The following HOXA3 variants were observed in gnomAD, a reference collection of about 807,000 sequenced individuals.
HOXA3 encodes the protein homeobox A3.
A neutral mutation model predicts 30.3 loss-of-function variants in HOXA3; 8 were observed. The observed-to-expected ratio is 0.26, with a 90% CI of 0.15 to 0.48. HOXA3 has a LOEUF of 0.48. Among genes scored for constraint, HOXA3 ranks in the 20% least tolerant of loss-of-function variants. The pLI is 0.99. For missense variants in HOXA3, 653 were observed against 614.4 expected (o/e 1.06, Z -0.66); for synonymous variants, 323 against 273.1 (o/e 1.18, Z -1.80).
intron 4 of HOXA3, among the ~76,000 whole-genome samples, chr7:27,112,155 A>G (rs560277942): frequency 6.6e-6 from 1 of 152,312 alleles, no homozygotes; most frequent in South Asian, 2.1e-4. Context: ...CAGCACAGAA[A>G]AGTTCCATGT....
At chr7:27,139,113 G>A (rs1478632598) in intron 2 of HOXA3, among the ~76,000 whole-genome samples, 1 of 152,170 alleles carries the variant, frequency 6.6e-6, no homozygotes, top group African/African-American at 2.4e-5. Context: ...GAGAGGAACA[G>A]GAAAGAAGAG....
intron 1 of HOXA3, chr7:27,150,144 C>CATTTT (rs1782919656): frequency 8.5e-4 from 1 of 1,170 alleles, no homozygotes; most frequent in Admixed American, 5.7e-3. Context: ...CATATCATTT[C>CATTTT]TCCAACCAGA....
rs898700091 is a variant in HOXA3 at position 27,113,247 on chromosome 7, G to A, written c.-120-2487C>T. 6.6e-6 allele frequency among the ~76,000 whole-genome samples: 1 copy of A among 152,212 alleles called. No individual in the cohort carries two copies. Among genetic ancestry groups the A allele is most frequent in the Non-Finnish European group, 1.5e-5 (1 of 68,046 alleles). On this transcript the variant is annotated intron_variant, in intron 4 of 5. Transcript: ENST00000612286. This position sits in a 1 kb window ranked among gnomAD's most constrained non-coding sequence, Gnocchi z 4.8. ...TTGAGTGCAAGAAGCAAGCCCTATT[G>A]TCTCTCTGGAAGATGTGCCCAAATT...
At chr7:27,130,399 C>T in intron 2 of HOXA3, 1 of 1,162,030 alleles carries the variant, frequency 8.6e-7, no homozygotes, top group Non-Finnish European at 1.1e-6. Context: ...CTGGGGCGGC[C>T]GCCCGGGGCT....
intron 2 of HOXA3, among the ~76,000 whole-genome samples, chr7:27,131,711 AC>A (rs1200111487): frequency 6.6e-6 from 1 of 152,206 alleles, no homozygotes; most frequent in African/African-American, 2.4e-5. Context: ...GAAAACAATA[AC>A]TTCCTATTTC....
At chr7:27,137,436 G>A (rs1234629695) in intron 2 of HOXA3, among the ~76,000 whole-genome samples, 2 of 152,140 alleles carry the variant, frequency 1.3e-5, no homozygotes, top group East Asian at 1.9e-4. Context: ...GCACAGACAC[G>A]CACTTCTGCC....
At chr7:27,121,565 C>T (rs1451645769) in intron 4 of HOXA3, among the ~76,000 whole-genome samples, 1 of 152,084 alleles carries the variant, frequency 6.6e-6, no homozygotes. Flanking sequence ...TAATTGTATC[C>T]AGAACACCAT....
rs1455511596 is a variant in HOXA3, at chr7:27,107,718, G to T, written c.*197C>A. On this transcript the variant is annotated 3_prime_UTR_variant, in exon 6 of 6. Transcript: ENST00000612286. Reference sequence around the variant, plus strand: ...ATGATACAGCCATTCCAGCAACCAAGATTGCTACGTCACATAAACTATAAA... The same window carrying T: ...ATGATACAGCCATTCCAGCAACCAATATTGCTACGTCACATAAACTATAAA... 2.2e-6 allele frequency: 1 copy of T among 462,192 alleles called. No homozygotes were observed. The highest frequency in any genetic ancestry group is 2.0e-5 in the African/African-American group (1 of 49,802). The allele number at this position is 462,192 out of a possible 1,614,324, so 28.6% of individuals were successfully genotyped here.
intron 4 of HOXA3, among the ~76,000 whole-genome samples, chr7:27,114,819 A>ATATATAATATATATTATATATAT (rs1784590057): frequency 4.6e-5 from 2 of 43,686 alleles, no homozygotes; most frequent in East Asian, 7.2e-4. Context: ...AAACATACAT[A>ATATATAATATATATTATATATAT]TATATATAAT....
Position 27,107,604 on chromosome 7 carries a change from C to A in HOXA3, c.*311G>T. ...TGAAAACTCGACTAGAAAATTTGTT[C>A]ATATACCCTGTTTCTGATCAAAGAG... On this transcript the variant is annotated 3_prime_UTR_variant, in exon 6 of 6. Transcript: ENST00000612286. 1 of 303,604 alleles carries A rather than the reference C, an allele frequency of 3.3e-6. No homozygotes were observed. The allele number at this position is 303,604 out of a possible 1,614,324, so 18.8% of individuals were successfully genotyped here.
intron 1 of HOXA3, chr7:27,147,325 C>A (rs139581191): frequency 6.2e-7 from 1 of 1,613,800 alleles, no homozygotes; most frequent in Non-Finnish European, 8.5e-7. Context: ...GGAGTTCATC[C>A]GCTGCATCCA....
At chr7:27,116,310 T>C (rs1784720437) in intron 4 of HOXA3, 1 of 152,728 alleles carries the variant, frequency 6.5e-6, no homozygotes, top group Non-Finnish European at 1.5e-5. Context: ...AGAGGGCCTC[T>C]GGCGGTTCCA....
Position 27,147,457 on chromosome 7 carries a change from C to T in HOXA3, c.-494+4831G>A, listed in dbSNP as rs779257098. 20 of 1,614,096 alleles carry T rather than the reference C, an allele frequency of 1.2e-5. No individual in the cohort carries two copies. Among genetic ancestry groups the T allele is most frequent in the African/African-American group, 4.0e-5 (3 of 74,924 alleles). On this transcript the variant is annotated intron_variant, in intron 1 of 5. Transcript: ENST00000612286. ...AGAAAAGTGCAGGTAGTCCCCGGGGCCCCTCTGCTTGCCACTGCCCGAGGG... is the reference window on the plus strand; with the variant it reads ...AGAAAAGTGCAGGTAGTCCCCGGGGTCCCTCTGCTTGCCACTGCCCGAGGG...
rs1047290 is a variant in HOXA3 at position 27,141,797 on chromosome 7, T to A, written c.-493-1611A>T. 8.8e-4 allele frequency: 1,416 copies of A among 1,603,320 alleles called. 12 individuals carry two copies. In the African/African-American group the frequency reaches 0.017, roughly 20 times the overall value. ...ACCTTAGTACTGACACTACGCGGGA[T>A]CCGCTAATACTGCTCAGTACTTTAA... On this transcript the variant is annotated intron_variant, in intron 1 of 5. Transcript: ENST00000612286.
chr7:27,110,608 C>T lies in HOXA3; in HGVS notation c.33G>A (p.Ala11=). MQKATYYDSS[A]IYGGYPYQAA... ...CCTGGTAGGGGTAGCCACCGTAGAT[C>T]GCCGAGCTGTCGTAGTAGGTCGCTT... is the stretch of plus-strand genomic sequence containing the variant. Residue 11 remains alanine, a synonymous_variant, in exon 5 of 6, where the codon GCG becomes GCA. Transcript: ENST00000612286. 1 of 1,607,150 alleles carries T rather than the reference C, an allele frequency of 6.2e-7. No individual in the cohort carries two copies. The highest frequency in any genetic ancestry group is 8.5e-7 in the Non-Finnish European group (1 of 1,175,058).
rs1414143637 is a variant in HOXA3 at position 27,110,287 on chromosome 7, C to T, written c.354G>A (p.Ala118=). The change falls in exon 5 of 6, where the codon GCG becomes GCA. Residue 118 remains alanine, a synonymous_variant. Transcript: ENST00000612286. ...APQPPAPTPA[A]PPPPSSASPP... ...GGGAGGCAGAAGAGGGAGGCGGGGG[C>T]GCGGCAGGGGTAGGTGCAGGGGGCT... 7 of 1,491,178 alleles carry T rather than the reference C, an allele frequency of 4.7e-6. No homozygotes were observed. Among genetic ancestry groups the T allele is most frequent in the African/African-American group, 4.5e-5 (3 of 66,442 alleles). 92.4% of individuals were successfully genotyped at this position (1,491,178 alleles called of 1,614,324 possible).
intron 1 of HOXA3, chr7:27,142,815 A>T (rs1040696093): frequency 2.2e-6 from 1 of 457,444 alleles, no homozygotes; most frequent in East Asian, 3.5e-5. Context: ...CCCCCTTCCA[A>T]CGTCTAAACT....
intron 2 of HOXA3, among the ~76,000 whole-genome samples, chr7:27,133,056 C>G (rs1785609449): frequency 6.6e-6 from 1 of 152,142 alleles, no homozygotes; most frequent in Admixed American, 6.5e-5. Context: ...TTGTGTGATT[C>G]TATTACTTTA....
rs972522251 is a variant in HOXA3, at chr7:27,152,238, C to A, written c.-494+50G>T. On this transcript the variant is annotated intron_variant, in intron 1 of 5. Transcript: ENST00000612286. ...TGCCCTCTCCCACCGCTACCGCCGCCGGCTGTCGCCTCACCACCTTTGCTC... is the reference window on the plus strand; with the variant it reads ...TGCCCTCTCCCACCGCTACCGCCGCAGGCTGTCGCCTCACCACCTTTGCTC... The A allele has an allele frequency of 1.7e-5, 21 of 1,201,296 alleles. No homozygotes were observed. In the African/African-American group the frequency reaches 2.6e-4, roughly 15 times the overall value. The allele number at this position is 1,201,296 out of a possible 1,614,324, so 74.4% of individuals were successfully genotyped here. A position where few individuals can be genotyped will look rare whatever the true frequency, so the allele number is the denominator to read the frequency against.
Sources: allele counts gnomAD v4.1 joint callset (sites outside exome capture counted in the v4.1 genomes callset), GRCh38; gene constraint gnomAD v4.1.1; non-coding constraint Gnocchi (gnomAD v3.1); transcripts MANE v1.5; gene names NCBI Gene and HGNC (gene_info 2026-07-23, HGNC 2026-07-21).